The following HSPA14 variants were observed in gnomAD, a reference collection of about 807,000 sequenced individuals.
HSPA14 encodes the protein heat shock protein family A (Hsp70) member 14.
HSPA14 carries 37 observed loss-of-function variants against 65.5 expected under a neutral mutation model. That is an observed-to-expected ratio of 0.56 (90% CI 0.43 to 0.74). The LOEUF (loss-of-function observed/expected upper bound fraction) is 0.74, where lower values mean the gene tolerates loss of function less well. HSPA14 is among the 30% of genes least tolerant of loss of function. The pLI, the probability that HSPA14 is intolerant of heterozygous loss-of-function variation, is 0.00. For missense variants in HSPA14, 564 were observed against 607.6 expected (o/e 0.93, Z 0.75); for synonymous variants, 203 against 214.2 (o/e 0.95, Z 0.46).
intron 8 of HSPA14, among the ~76,000 whole-genome samples, chr10:14,853,861 A>G (rs948148991): frequency 1.3e-5 from 2 of 152,104 alleles, no homozygotes; most frequent in Non-Finnish European, 2.9e-5. Flanking sequence ...CTGGGATTAC[A>G]GGCATGCACC....
rs370749762 is a variant in HSPA14 at position 14,852,116 on chromosome 10, G to A, written c.573-254G>A. On this transcript the variant is annotated intron_variant, in intron 7 of 13. Transcript: ENST00000378372. ...TCTCTTGATTTACTTTGAAAAGTTCGTGTTTTGAACTCCTTACTCAGAAGA... is the reference window on the plus strand; with the variant it reads ...TCTCTTGATTTACTTTGAAAAGTTCATGTTTTGAACTCCTTACTCAGAAGA... Among the ~76,000 whole-genome samples, 7 of 152,190 alleles carry A rather than the reference G, an allele frequency of 4.6e-5. No individual in the cohort carries two copies. In the East Asian group the frequency reaches 5.8e-4, roughly 13 times the overall value.
chr10:14,844,878 ATTTTTT>A, intron 3 of HSPA14: 1 of 985,088 alleles, frequency 1.0e-6, no homozygotes, highest in Non-Finnish European at 1.2e-6. Flanking sequence ...CTTTTCTGTT[ATTTTTT>A]TGTCTAGTAT....
At chr10:14,870,197 G>A (rs1360507109) in intron 12 of HSPA14, among the ~76,000 whole-genome samples, 1 of 148,908 alleles carries the variant, frequency 6.7e-6, no homozygotes, top group African/African-American at 2.6e-5. Flanking sequence ...TATTTAAAAT[G>A]CTTGATTTTT....
intron 6 of HSPA14, 180 bp from the exon 7 acceptor site, chr10:14,851,039 T>C (rs1294531231): frequency 4.0e-6 from 2 of 495,558 alleles, no homozygotes; most frequent in Non-Finnish European, 7.1e-6. Flanking sequence ...AAACAGAAAG[T>C]GATCTCTTAT....
intron 10 of HSPA14, 62 bp downstream of exon 10, chr10:14,856,005 A>T (rs935257848): frequency 2.2e-6 from 2 of 898,002 alleles, no homozygotes; most frequent in Admixed American, 1.9e-5. Context: ...AATTTAGGAA[A>T]TAGCTCTGGG....
At chr10:14,869,004 G>A (rs1011299188) in intron 12 of HSPA14, among the ~76,000 whole-genome samples, 2 of 150,494 alleles carry the variant, frequency 1.3e-5, no homozygotes, top group Admixed American at 6.6e-5. Context: ...CCACCACCAC[G>A]TTCGTCTAAT....
chr10:14,840,741 TTGC>T (rs1347809747), intron 3 of HSPA14, among the ~76,000 whole-genome samples: 2 of 152,230 alleles, frequency 1.3e-5, no homozygotes, highest in African/African-American at 4.8e-5. Flanking sequence ...AAATTATAGA[TTGC>T]TATAATAATT....
At chr10:14,859,231 T>C (rs1047704082) in intron 10 of HSPA14, among the ~76,000 whole-genome samples, 1 of 152,164 alleles carries the variant, frequency 6.6e-6, no homozygotes, top group African/African-American at 2.4e-5. Context: ...GGCCACCTGT[T>C]TAGGTGAGGG....
Position 14,854,221 on chromosome 10 carries a change from T to C in HSPA14, c.831T>C (p.Ser277=), listed in dbSNP as rs1315200472. The change falls in exon 9 of 14, where the codon AGT becomes AGC. Residue 277 remains serine, a synonymous_variant. Transcript: ENST00000378372. ...AACATTCTTTGTCAACCTTGGGAAG[T>C]GCCAACTGTTTTCTTGACTCATTAT... The part of the protein sequence containing the change: ...VAKHSLSTLG[S]ANCFLDSLYE... 1.9e-6 allele frequency: 3 copies of C among 1,613,768 alleles called. No individual in the cohort carries two copies. The highest frequency in any genetic ancestry group is 2.5e-6 in the Non-Finnish European group (3 of 1,179,876).
At chr10:14,846,908 A>G in intron 3 of HSPA14, 1 of 985,442 alleles carries the variant, frequency 1.0e-6, no homozygotes, top group Non-Finnish European at 1.2e-6. Context: ...TCCATCATGT[A>G]AATAAGGTGC....
Position 14,852,415 on chromosome 10 carries a change from C to T in HSPA14, c.618C>T (p.Ser206=), listed in dbSNP as rs200185940. The T allele has an allele frequency of 3.9e-5, 63 of 1,613,590 alleles. No individual in the cohort carries two copies. The highest frequency in any genetic ancestry group is 3.3e-4 in the Middle Eastern group (2 of 6,082). ...FKLGGTSLSL[S]VMEVNSGIYR... is the part of the protein sequence containing the mutation. ...TTGGAGGAACATCCTTATCTCTCAGCGTCATGGAAGTTAACAGTGGAATAT... is the reference window on the plus strand; with the variant it reads ...TTGGAGGAACATCCTTATCTCTCAGTGTCATGGAAGTTAACAGTGGAATAT... The change falls in exon 8 of 14, where the codon AGC becomes AGT. Residue 206 remains serine, a synonymous_variant. Coordinates refer to ENST00000378372, the MANE Select transcript of HSPA14 (RefSeq NM_016299.4).
intron 1 of HSPA14, among the ~76,000 whole-genome samples, chr10:14,839,694 T>C (rs1289591397): frequency 6.6e-6 from 1 of 152,244 alleles, no homozygotes; most frequent in African/African-American, 2.4e-5. Context: ...TTGTTGACTT[T>C]GCAGAGCAGA....
chr10:14,869,822 C>G (rs113603669), intron 12 of HSPA14, among the ~76,000 whole-genome samples: 97 of 152,236 alleles, frequency 6.4e-4, no homozygotes, highest in African/African-American at 2.1e-3. Flanking sequence ...GTTCTGTTAC[C>G]TTTTTCTTCA....
chr10:14,871,407 C>T (rs144231954), intron 13 of HSPA14, 121 bp from the exon 14 acceptor site: 2 of 636,342 alleles, frequency 3.1e-6, no homozygotes, highest in Non-Finnish European at 2.8e-6. Context: ...TACATTAATA[C>T]CCTTCTTTTG....
chr10:14,871,516 T>C lies in HSPA14; in HGVS notation c.1452-12T>C, dbSNP rs1832854461. 4 of 1,517,018 alleles carry C rather than the reference T, an allele frequency of 2.6e-6. No homozygotes were observed. Among genetic ancestry groups the C allele is most frequent in the Non-Finnish European group, 3.6e-6 (4 of 1,106,336 alleles). 94.0% of individuals were successfully genotyped at this position (1,517,018 alleles called of 1,614,324 possible). A position where few individuals can be genotyped will look rare whatever the true frequency, so the allele number is the denominator to read the frequency against. ...AGCTTGTGCAATGTTCTTTATTTTT[T>C]TGTCTGTTTAGGGATGGATCTTTAC... On this transcript the variant is annotated splice_polypyrimidine_tract_variant and intron_variant, in intron 13 of 13. Coordinates refer to ENST00000378372, the MANE Select transcript of HSPA14 (RefSeq NM_016299.4).
rs1834128237 is a variant in HSPA14 at position 14,854,133 on chromosome 10, A to C, written c.743A>C (p.Lys248Thr). The C allele has an allele frequency of 6.3e-7, 1 of 1,599,362 alleles. No individual in the cohort carries two copies. Among genetic ancestry groups the C allele is most frequent in the African/African-American group, 1.3e-5 (1 of 74,074 alleles). The change falls in exon 9 of 14, where the codon AAA becomes ACA. Residue 248 changes from lysine to threonine, a missense_variant. By Grantham distance (78) the Lys-to-Thr change is moderately conservative. Transcript: ENST00000378372. ...CTATGTTTTTAATTTAGATCCTTCA[A>C]ACATGATGTGAGAGGAAATGCGCGA... ...YLASEFQRSF[K>T]HDVRGNARAM...
chr10:14,844,416 T>C, intron 3 of HSPA14: 1 of 994,986 alleles, frequency 1.0e-6, no homozygotes, highest in Non-Finnish European at 1.2e-6. Flanking sequence ...ATCTTTCCTT[T>C]GCTGGTCTAA....
rs1044983161 is a variant in HSPA14, at chr10:14,848,824, T to C, written c.305T>C (p.Ile102Thr). 1 of 1,589,734 alleles carries C rather than the reference T, an allele frequency of 6.3e-7. No homozygotes were observed. Among genetic ancestry groups the C allele is most frequent in the South Asian group, 1.1e-5 (1 of 87,984 alleles). The change falls in exon 5 of 14, where the codon ATA (isoleucine) becomes ACA (threonine). Residue 102 changes from isoleucine to threonine, a missense_variant. Physicochemically the swap from Ile to Thr is moderately conservative, Grantham distance 89. Coordinates refer to ENST00000378372, the MANE Select transcript of HSPA14 (RefSeq NM_016299.4). Reference sequence around the variant, plus strand: ...AAAAATGGGAAATTACGATATGAAATAGATACTGGAGAAGAAACAAAATTT... The same window carrying C: ...AAAAATGGGAAATTACGATATGAAACAGATACTGGAGAAGAAACAAAATTT... ...IEKNGKLRYE[I>T]DTGEETKFVN... is the part of the protein sequence containing the mutation.
intron 10 of HSPA14, among the ~76,000 whole-genome samples, chr10:14,861,301 T>G (rs1832748502): frequency 6.6e-6 from 1 of 152,138 alleles, no homozygotes; most frequent in South Asian, 2.1e-4. Context: ...CCCTTTTGTT[T>G]GAGACTCTGT....
Sources: allele counts gnomAD v4.1 joint callset (sites outside exome capture counted in the v4.1 genomes callset), GRCh38; gene constraint gnomAD v4.1.1; transcripts MANE v1.5; gene names NCBI Gene and HGNC (gene_info 2026-07-23, HGNC 2026-07-21).